The following CYB5R4 variants were observed in gnomAD, a reference collection of about 807,000 sequenced individuals.
CYB5R4 encodes the protein cytochrome b5 reductase 4.
CYB5R4 carries 55 observed loss-of-function variants against 70.2 expected under a neutral mutation model. The ratio of observed to expected loss-of-function variants is 0.78; its 90% CI spans 0.63 to 0.98. The LOEUF (loss-of-function observed/expected upper bound fraction) is 0.98. Ranked by LOEUF, CYB5R4 falls within the 50% of genes least tolerant of loss-of-function variation. The probability of loss-of-function intolerance (pLI) is 0.00; values close to 1 mark genes in which losing one functional copy is unlikely to be tolerated. For synonymous variants in CYB5R4, 197 were observed against 199.5 expected (o/e 0.99, Z 0.11); for missense variants, 562 against 612.6 (o/e 0.92, Z 0.87).
At chr6:83,926,731 G>A (rs2099467351) in intron 10 of CYB5R4, among the ~76,000 whole-genome samples, 1 of 152,092 alleles carries the variant, frequency 6.6e-6, no homozygotes, top group East Asian at 1.9e-4. Flanking sequence ...ACCCTCTAGA[G>A]TGCAAACTTC....
intron 2 of CYB5R4, among the ~76,000 whole-genome samples, chr6:83,870,904 A>G (rs2099457491): frequency 6.6e-6 from 1 of 151,730 alleles, no homozygotes; most frequent in Non-Finnish European, 1.5e-5. Context: ...AATACAAATC[A>G]ACAATGTTCT....
chr6:83,902,303 C>T (rs992438810), intron 3 of CYB5R4, among the ~76,000 whole-genome samples: 8 of 152,028 alleles, frequency 5.3e-5, no homozygotes, highest in Non-Finnish European at 1.0e-4. Context: ...ATATTCTTGA[C>T]GTCATTGTTG....
rs2099474057 is a variant in CYB5R4, at chr6:83,966,313, A to G, written c.*6435A>G. 6.6e-6 allele frequency: 1 copy of G among 152,246 alleles called. No individual in the cohort carries two copies. The highest frequency in any genetic ancestry group is 1.5e-5 in the Non-Finnish European group (1 of 68,044). 9.4% of individuals were successfully genotyped at this position (152,246 alleles called of 1,614,324 possible). On this transcript the variant is annotated 3_prime_UTR_variant, in exon 16 of 16. Transcript: ENST00000369681. ...TAAAGATATAAAAATGTTTTTGGGTACTAAGACTAAACTAGAAAGAACATA... is the reference window on the plus strand; with the variant it reads ...TAAAGATATAAAAATGTTTTTGGGTGCTAAGACTAAACTAGAAAGAACATA...
chr6:83,906,798 C>A (rs1035753891), intron 3 of CYB5R4, among the ~76,000 whole-genome samples: 1 of 152,160 alleles, frequency 6.6e-6, no homozygotes, highest in Non-Finnish European at 1.5e-5. Context: ...TACATACTTA[C>A]TATTTTAGTG....
chr6:83,890,333 A>T (rs562087782), intron 2 of CYB5R4, among the ~76,000 whole-genome samples: 30 of 152,144 alleles, frequency 2.0e-4, no homozygotes, highest in Non-Finnish European at 3.2e-4. Flanking sequence ...AGGGTTCAAG[A>T]CTTGAGTGGA....
intron 2 of CYB5R4, among the ~76,000 whole-genome samples, chr6:83,875,143 A>T (rs1308468557): frequency 1.3e-5 from 2 of 152,144 alleles, no homozygotes; most frequent in Non-Finnish European, 2.9e-5. Flanking sequence ...AAGTTTCAGG[A>T]TATTAATGTA....
chr6:83,899,515 G>T lies in CYB5R4; in HGVS notation c.330+5893G>T, dbSNP rs541696061. On this transcript the variant is annotated intron_variant, in intron 3 of 15. Coordinates refer to ENST00000369681, the MANE Select transcript of CYB5R4 (RefSeq NM_016230.4). ...AGGGAGGATTCCCTCTTTTTCTATTGATTGGAATAGTTTCAGAAGGAATAG... is the reference window on the plus strand; with the variant it reads ...AGGGAGGATTCCCTCTTTTTCTATTTATTGGAATAGTTTCAGAAGGAATAG... Among the ~76,000 whole-genome samples the T allele has an allele frequency of 2.1e-4, 32 of 152,206 alleles. No homozygotes were observed. In the East Asian group the frequency reaches 6.0e-3, roughly 28 times the overall value.
chr6:83,932,078 G>C (rs2099468235), intron 10 of CYB5R4, among the ~76,000 whole-genome samples: 1 of 151,582 alleles, frequency 6.6e-6, no homozygotes, highest in Non-Finnish European at 1.5e-5. Flanking sequence ...GTGATAGTTT[G>C]CTGAGAATGA....
At chr6:83,905,121 C>T (rs1422598036) in intron 3 of CYB5R4, among the ~76,000 whole-genome samples, 1 of 152,132 alleles carries the variant, frequency 6.6e-6, no homozygotes, top group African/African-American at 2.4e-5. Flanking sequence ...GCGGTGCAGC[C>T]TCAGCTCACT....
At chr6:83,876,013 C>T (rs1353011876) in intron 2 of CYB5R4, among the ~76,000 whole-genome samples, 1 of 152,146 alleles carries the variant, frequency 6.6e-6, no homozygotes, top group Non-Finnish European at 1.5e-5. Flanking sequence ...ACGCCTCTGA[C>T]AGTAGGGATA....
chr6:83,959,580 A>G (rs370664739), intron 15 of CYB5R4, among the ~76,000 whole-genome samples: 14 of 152,238 alleles, frequency 9.2e-5, no homozygotes, highest in African/African-American at 2.6e-4. Context: ...GATTGAAACT[A>G]TTTTTTAAAA....
At chr6:83,895,646 G>T (rs1200216091) in intron 3 of CYB5R4, among the ~76,000 whole-genome samples, 1 of 152,102 alleles carries the variant, frequency 6.6e-6, no homozygotes, top group Admixed American at 6.5e-5. Context: ...GTGTTATGAG[G>T]TCATATAGAC....
rs61756921 is a variant in CYB5R4, at chr6:83,958,244, T to C, written c.1512-1580T>C. 7.5e-3 allele frequency among the ~76,000 whole-genome samples: 1,145 copies of C among 152,308 alleles called. 20 individuals are homozygous for C. Among genetic ancestry groups the C allele is most frequent in the African/African-American group, 0.026 (1,093 of 41,562 alleles). ...TAAATATGTACTTTATTACAGAGGT[T>C]AGTAAAACAGTCTCTGCTTTCCAGG... On this transcript the variant is annotated intron_variant, in intron 15 of 15. Transcript: ENST00000369681.
At chr6:83,931,011 G>A (rs1238745093) in intron 10 of CYB5R4, among the ~76,000 whole-genome samples, 1 of 152,106 alleles carries the variant, frequency 6.6e-6, no homozygotes, top group African/African-American at 2.4e-5. Flanking sequence ...AGAGTATTCT[G>A]GCTGGTTTCA....
intron 2 of CYB5R4, among the ~76,000 whole-genome samples, chr6:83,890,859 A>G (rs567905723): frequency 6.6e-6 from 1 of 152,336 alleles, no homozygotes; most frequent in South Asian, 2.1e-4. Flanking sequence ...CATTTTTATG[A>G]AAGTATATTT....
intron 2 of CYB5R4, among the ~76,000 whole-genome samples, chr6:83,877,873 C>T (rs929770613): frequency 1.3e-5 from 2 of 152,128 alleles, no homozygotes; most frequent in African/African-American, 4.8e-5. Flanking sequence ...TTGGGGTTCT[C>T]CAAATTAATT....
intron 4 of CYB5R4, chr6:83,910,135 TAC>T: frequency 6.2e-7 from 1 of 1,610,598 alleles, no homozygotes; most frequent in African/African-American, 1.3e-5. Context: ...GCTGAGACAT[TAC>T]TTTCAAAGAT....
At position 83,967,373 on chromosome 6, in the gene CYB5R4, A is replaced by C. The variant is rs1358539979; in HGVS notation, c.*7495A>C. On this transcript the variant is annotated 3_prime_UTR_variant, in exon 16 of 16. Coordinates refer to ENST00000369681, the MANE Select transcript of CYB5R4 (RefSeq NM_016230.4). ...TGGCAGTGGTTGTATTAGTATTGTT[A>C]TTCTGAAGATGTGAAATAATGCAAA... 1.3e-5 allele frequency: 2 copies of C among 152,252 alleles called. No homozygotes were observed. The highest frequency in any genetic ancestry group is 4.8e-5 in the African/African-American group (2 of 41,480). The allele number at this position is 152,252 out of a possible 1,614,324, so 9.4% of individuals were successfully genotyped here.
chr6:83,870,203 G>C (rs961094301), intron 2 of CYB5R4, among the ~76,000 whole-genome samples: 1 of 152,034 alleles, frequency 6.6e-6, no homozygotes, highest in Non-Finnish European at 1.5e-5. Flanking sequence ...GTCAGTATTC[G>C]CTAATTCAGT....
Sources: gnomAD v4.1 joint callset for allele counts (sites outside exome capture counted in the v4.1 genomes callset) on GRCh38, gnomAD v4.1.1 for gene constraint, MANE v1.5 for transcripts, NCBI Gene and HGNC (gene_info 2026-07-23, HGNC 2026-07-21) for gene names.